Variants in CCDC7 observed in about 807,000 individuals in gnomAD.
CCDC7 encodes coiled-coil domain-containing protein 7.
Under a neutral mutation model 196.9 loss-of-function variants are expected in CCDC7, and 183 were observed. That is an observed-to-expected ratio of 0.93 (90% CI 0.82 to 1.05). The LOEUF is 1.05. Among genes scored for constraint, CCDC7 ranks in the 50% least tolerant of loss-of-function variants. The probability of loss-of-function intolerance (pLI) is 0.00; values close to 1 mark genes in which losing one functional copy is unlikely to be tolerated. For missense variants in CCDC7, 1,540 were observed against 1,482.2 expected, an observed-to-expected ratio of 1.04 and a Z score of -0.64; for synonymous variants, 525 against 484.6, an observed-to-expected ratio of 1.08 and a Z score of -1.10.
At chr10:32,540,039 A>T (rs1449531096) in intron 11 of CCDC7, among the ~76,000 whole-genome samples, 2 of 151,458 alleles carry the variant, frequency 1.3e-5, no homozygotes, top group Non-Finnish European at 2.9e-5. Flanking sequence ...TCAAGTGTTG[A>T]GTTTAGGTGC....
intron 41 of CCDC7, among the ~76,000 whole-genome samples, chr10:32,857,245 C>A (rs1444513730): frequency 6.6e-6 from 1 of 152,118 alleles, no homozygotes; most frequent in Admixed American, 6.6e-5. Context: ...AAGGAAGCCA[C>A]TATAAAAACA....
chr10:32,703,558 G>T (rs1252300083), intron 24 of CCDC7, among the ~76,000 whole-genome samples: 1 of 151,892 alleles, frequency 6.6e-6, no homozygotes, highest in Non-Finnish European at 1.5e-5. Flanking sequence ...TTGAATGTTG[G>T]CCTGCCTTGC....
At chr10:32,845,209 T>A (rs1376889400) in intron 33 of CCDC7, 34 bp from the exon 35 acceptor site, 10 of 1,339,066 alleles carry the variant, frequency 7.5e-6, no homozygotes, top group Admixed American at 4.5e-5. Context: ...TGTTTACCTT[T>A]CAAAATATAT....
chr10:32,685,725 G>A (rs1173628059), intron 21 of CCDC7, among the ~76,000 whole-genome samples: 2 of 151,958 alleles, frequency 1.3e-5, no homozygotes, highest in Non-Finnish European at 2.9e-5. Flanking sequence ...AAAGAACCTA[G>A]GAAAAATATA....
intron 28 of CCDC7, among the ~76,000 whole-genome samples, chr10:32,765,771 T>G (rs775696600): frequency 2.8e-4 from 42 of 152,030 alleles, no homozygotes; most frequent in Non-Finnish European, 1.0e-4. Flanking sequence ...AAATAGATGG[T>G]GATTCTAATT....
chr10:32,666,659 G>T (rs1185378870), intron 21 of CCDC7, among the ~76,000 whole-genome samples: 1 of 151,890 alleles, frequency 6.6e-6, no homozygotes, highest in Admixed American at 6.6e-5. Context: ...AGTTTGCTGA[G>T]AATGATGGTT....
At chr10:32,477,449 C>A (rs1186972662) in intron 8 of CCDC7, among the ~76,000 whole-genome samples, 1 of 152,190 alleles carries the variant, frequency 6.6e-6, no homozygotes, top group East Asian at 1.9e-4. Flanking sequence ...GATCCGCCTG[C>A]CTCAGCCTCC....
intron 30 of CCDC7, among the ~76,000 whole-genome samples, chr10:32,813,970 C>CT (rs1360062318): frequency 2.6e-5 from 4 of 151,040 alleles, no homozygotes; most frequent in African/African-American, 4.9e-5. Context: ...TTATTTTTTT[C>CT]TTTTTTGCGA....
At chr10:32,745,007 C>G (rs2074471930) in intron 28 of CCDC7, among the ~76,000 whole-genome samples, 1 of 152,158 alleles carries the variant, frequency 6.6e-6, no homozygotes, top group South Asian at 2.1e-4. Context: ...GGTATAAGGT[C>G]TGTATCTAGA....
At chr10:32,795,261 C>T (rs2083367396) in intron 29 of CCDC7, among the ~76,000 whole-genome samples, 1 of 152,102 alleles carries the variant, frequency 6.6e-6, no homozygotes, top group Non-Finnish European at 1.5e-5. Context: ...CGTTCCATGT[C>T]ATTCTTTGTT....
intron 28 of CCDC7, among the ~76,000 whole-genome samples, chr10:32,755,632 A>G (rs2076309511): frequency 6.6e-6 from 1 of 152,126 alleles, no homozygotes; most frequent in African/African-American, 2.4e-5. Flanking sequence ...AGTTAGATAA[A>G]ACCACAAAGA....
At chr10:32,814,392 A>G in exon 31 of CCDC7, 5 of 1,611,222 alleles carry the variant, frequency 3.1e-6, no homozygotes, top group African/African-American at 1.3e-5. Flanking sequence ...AACAATTGAC[A>G]GATGCATTTG....
At chr10:32,848,321 A>G (rs1425233174) in intron 38 of CCDC7, among the ~76,000 whole-genome samples, 1 of 152,158 alleles carries the variant, frequency 6.6e-6, no homozygotes, top group Non-Finnish European at 1.5e-5. Context: ...TAGACTATGG[A>G]TCAATTATAG....
rs1002455811 is a variant in CCDC7, at chr10:32,700,341, G to T, written c.2458+5349G>T. Among the ~76,000 whole-genome samples the T allele has an allele frequency of 1.1e-4, 16 of 149,234 alleles. 1 individual carries two copies. Among genetic ancestry groups the T allele is most frequent in the African/African-American group, 3.9e-4 (15 of 38,642 alleles). On this transcript the variant is annotated intron_variant, in intron 24 of 41. Coordinates refer to ENST00000639629, the Ensembl canonical transcript of CCDC7. ...TTTCCCCATTTCTTGTTTTTGTCAG[G>T]TTTGTCAAAGATCAGATGGTTGTGG...
intron 18 of CCDC7, among the ~76,000 whole-genome samples, chr10:32,616,036 G>A (rs1029421109): frequency 6.6e-6 from 1 of 152,126 alleles, no homozygotes; most frequent in Non-Finnish European, 1.5e-5. Flanking sequence ...TTTTATACCA[G>A]CACCATGTTG....
rs145123660 is a variant in CCDC7 at position 32,556,126 on chromosome 10, G to A, written c.1135-9432G>A. 6.7e-3 allele frequency among the ~76,000 whole-genome samples: 1,018 copies of A among 152,280 alleles called. 8 individuals carry two copies. The highest frequency in any genetic ancestry group is 0.022 in the African/African-American group (913 of 41,544). ...AAATAGATTGTACCTTTTTATGGGA[G>A]CTATTGTGAAGAATTTATGGCCATT... On this transcript the variant is annotated intron_variant, in intron 13 of 41. Coordinates refer to ENST00000639629, the Ensembl canonical transcript of CCDC7.
At chr10:32,677,504 T>C (rs2075208745) in intron 21 of CCDC7, among the ~76,000 whole-genome samples, 1 of 152,190 alleles carries the variant, frequency 6.6e-6, no homozygotes, top group Non-Finnish European at 1.5e-5. Context: ...GTAGTATTCT[T>C]GGTTGACATT....
intron 41 of CCDC7, among the ~76,000 whole-genome samples, chr10:32,863,155 A>G (rs2094069105): frequency 1.3e-5 from 2 of 151,272 alleles, no homozygotes; most frequent in Non-Finnish European, 3.0e-5. Flanking sequence ...CAATCCTAAA[A>G]TTTGTATGAA....
chr10:32,565,996 T>C (rs73253465), intron 14 of CCDC7, among the ~76,000 whole-genome samples: 8,066 of 152,186 alleles, frequency 0.053, 710 homozygotes, highest in African/African-American at 0.18. Flanking sequence ...TGAACCAAGA[T>C]GTTGACTCTT....
Sources: gnomAD v4.1 joint callset for allele counts (sites outside exome capture counted in the v4.1 genomes callset) on GRCh38, gnomAD v4.1.1 for gene constraint, MANE v1.5 for transcripts, NCBI Gene and HGNC (gene_info 2026-07-23, HGNC 2026-07-21) for gene names.